Variants in MS4A6A observed in about 807,000 individuals in gnomAD.
MS4A6A encodes the protein membrane spanning 4-domains A6A.
In MS4A6A, 19 loss-of-function variants were observed where a neutral mutation model predicts 20.6. The observed-to-expected ratio is 0.92, with a 90% CI of 0.64 to 1.36. The LOEUF is 1.36. MS4A6A is among the 40% of genes most tolerant of loss of function. MS4A6A has a pLI of 0.00. For missense variants in MS4A6A, 272 were observed against 261.1 expected, an observed-to-expected ratio of 1.04 and a Z score of -0.29; for synonymous variants, 108 against 105.0, an observed-to-expected ratio of 1.03 and a Z score of -0.17.
chr11:60,178,154 T>G (rs1357570380), intron 4 of MS4A6A, 106 bp downstream of exon 4: 7 of 1,027,160 alleles, frequency 6.8e-6, no homozygotes, highest in Middle Eastern at 2.2e-4. Context: ...CCAACTGCTC[T>G]GGAACTGAGT....
rs768542449 is a variant in MS4A6A at position 60,175,597 on chromosome 11, C to A, written c.354G>T (p.Leu118=). The change falls in exon 5 of 6, where the codon CTG becomes CTT. Residue 118 remains leucine (L), a synonymous_variant. Transcript: ENST00000528851. ...ACAGAGCACTCAGAATGCTTCCAAC[C>A]AGGCTGCTATGCACCTGAAAGAGAA... ...RLTKLLVHSS[L]VGSILSALSA... 8.1e-6 allele frequency: 13 copies of A among 1,613,452 alleles called. No homozygotes were observed. The Admixed American group carries it at 2.2e-4, about 27-fold the overall frequency.
intron 1 of MS4A6A, 45 bp downstream of exon 1, chr11:60,182,933 G>T (rs577683097): frequency 3.3e-5 from 41 of 1,241,380 alleles, no homozygotes; most frequent in Non-Finnish European, 3.7e-5. Flanking sequence ...ATGAGGTCAC[G>T]GCAAGGGAAT....
chr11:60,174,483 A>G (rs1856739475), intron 5 of MS4A6A, among the ~76,000 whole-genome samples: 2 of 151,584 alleles, frequency 1.3e-5, no homozygotes, highest in South Asian at 2.1e-4. Context: ...CCGCCACCAC[A>G]CCCAGCTAGT....
At chr11:60,177,450 A>T (rs1856897806) in intron 4 of MS4A6A, 1 of 152,200 alleles carries the variant, frequency 6.6e-6, no homozygotes, top group African/African-American at 2.4e-5. Context: ...AGACTTAATG[A>T]AACTTTAAAG....
intron 2 of MS4A6A, chr11:60,180,290 T>G (rs1052147966): frequency 3.6e-5 from 12 of 332,550 alleles, no homozygotes; most frequent in African/African-American, 2.3e-4. Context: ...TCAGGACCTC[T>G]AAGTCCATGA....
chr11:60,178,117 AG>A, intron 4 of MS4A6A, 142 bp downstream of exon 4: 1 of 723,238 alleles, frequency 1.4e-6, no homozygotes, highest in Non-Finnish European at 2.4e-6. Context: ...CAGAGGATCC[AG>A]GCCCAGCTCC....
downstream of MS4A6A, chr11:60,172,162 G>A: frequency 1.2e-6 from 2 of 1,607,252 alleles, no homozygotes; most frequent in Non-Finnish European, 1.7e-6. Context: ...TTTTTCTTAA[G>A]AAGTCAATAG....
At chr11:60,181,942 T>C (rs1017487190) in intron 1 of MS4A6A, among the ~76,000 whole-genome samples, 1 of 152,188 alleles carries the variant, frequency 6.6e-6, no homozygotes, top group African/African-American at 2.4e-5. Flanking sequence ...CAGTCCATTA[T>C]AGATAATAAA....
downstream of MS4A6A, chr11:60,172,238 G>T (rs746487635): frequency 1.2e-6 from 2 of 1,613,292 alleles, no homozygotes; most frequent in South Asian, 2.2e-5. Context: ...TAACTGTGAG[G>T]CAGGAAAAGT....
At chr11:60,174,410 G>A (rs1300573600) in intron 5 of MS4A6A, among the ~76,000 whole-genome samples, 2 of 148,292 alleles carry the variant, frequency 1.3e-5, no homozygotes, top group Admixed American at 1.4e-4. Flanking sequence ...TGCAACCTCC[G>A]CCACCTCCCA....
intron 2 of MS4A6A, chr11:60,181,008 A>C (rs1451173316): frequency 6.6e-6 from 3 of 453,714 alleles, no homozygotes; most frequent in Non-Finnish European, 1.3e-5. Context: ...CAATTCTAGA[A>C]ACCAAAACTC....
At position 60,176,271 on chromosome 11, in the gene MS4A6A, C is replaced by T. The variant is rs148271924; in HGVS notation, c.340-660G>A. On this transcript the variant is annotated intron_variant, in intron 4 of 5. Transcript: ENST00000528851. ...CTGTGGGCAGAGGTCTAGGTGCAGG[C>T]CCAAGGATGGTGTAATGTGTGGGAG... Among the ~76,000 whole-genome samples the T allele has an allele frequency of 3.9e-5, 6 of 152,122 alleles. No individual in the cohort carries two copies. In the East Asian group the frequency reaches 1.2e-3, roughly 29 times the overall value.
chr11:60,176,699 G>A (rs1856858127), intron 4 of MS4A6A, among the ~76,000 whole-genome samples: 1 of 152,112 alleles, frequency 6.6e-6, no homozygotes, highest in Non-Finnish European at 1.5e-5. Flanking sequence ...CCTCCTAGTA[G>A]CCAGTAGTAT....
At chr11:60,183,262 A>G, upstream of MS4A6A, 2 of 1,302,184 alleles carry the variant, frequency 1.5e-6, no homozygotes, top group Non-Finnish European at 2.1e-6. Flanking sequence ...TTATGTGTGA[A>G]TTGCCACTTC....
intron 1 of MS4A6A, 32 bp from the exon 2 acceptor site, chr11:60,181,773 A>C: frequency 6.2e-7 from 1 of 1,608,292 alleles, no homozygotes; most frequent in Non-Finnish European, 8.5e-7. Context: ...TAGCTCTTAA[A>C]AAGTACAGAG....
chr11:60,173,455 C>G (rs1049727267), intron 5 of MS4A6A, among the ~76,000 whole-genome samples: 1 of 152,176 alleles, frequency 6.6e-6, no homozygotes, highest in African/African-American at 2.4e-5. Flanking sequence ...GTAATAACTC[C>G]CAGGACTGAG....
chr11:60,180,139 C>A, intron 2 of MS4A6A, 174 bp from the exon 3 acceptor site: 2 of 656,808 alleles, frequency 3.0e-6, no homozygotes, highest in Non-Finnish European at 2.6e-6. Flanking sequence ...GGAGGGTGTG[C>A]AGCTCTGCCA....
At chr11:60,173,231 G>A (rs560320253) in intron 5 of MS4A6A, 102 bp from the exon 6 acceptor site, 25 of 1,000,860 alleles carry the variant, frequency 2.5e-5, no homozygotes, top group Middle Eastern at 2.1e-4. Flanking sequence ...TCAACCATTA[G>A]AGAATGAAGA....
chr11:60,181,488 T>A, intron 2 of MS4A6A, 93 bp downstream of exon 2: 2 of 1,526,224 alleles, frequency 1.3e-6, no homozygotes, highest in East Asian at 4.5e-5. Context: ...TTTTAGGGTC[T>A]CCACACTCAC....
Sources: allele counts gnomAD v4.1 joint callset (sites outside exome capture counted in the v4.1 genomes callset), GRCh38; gene constraint gnomAD v4.1.1; transcripts MANE v1.5; gene names NCBI Gene and HGNC (gene_info 2026-07-23, HGNC 2026-07-21).